The following HMGCLL1 variants were observed in gnomAD, a reference collection of about 807,000 sequenced individuals.
HMGCLL1 encodes 3-hydroxy-3-methylglutaryl-CoA lyase like 1, also known as 3-hydroxymethyl-3-methylglutaryl-CoA lyase, cytoplasmic.
In HMGCLL1, 36 loss-of-function variants were observed where a neutral mutation model predicts 39.1. That is an observed-to-expected ratio of 0.92 (90% CI 0.71 to 1.22). The LOEUF is 1.22. HMGCLL1 is among the 50% of genes most tolerant of loss of function. The pLI is 0.00. For missense variants in HMGCLL1, 451 were observed against 416.5 expected (o/e 1.08, Z -0.72); for synonymous variants, 149 against 144.0 (o/e 1.03, Z -0.25).
intron 7 of HMGCLL1, among the ~76,000 whole-genome samples, chr6:55,460,612 GA>G (rs1452292037): frequency 1.3e-5 from 2 of 151,668 alleles, no homozygotes; most frequent in African/African-American, 4.8e-5. Flanking sequence ...AGAACATGAA[GA>G]AAACATAATA....
chr6:55,657,083 C>T, the HMGCLL1 span, among the ~76,000 whole-genome samples: 1 of 151,808 alleles, frequency 6.6e-6, no homozygotes, highest in Non-Finnish European at 1.5e-5. Context: ...AAGTTCCTTA[C>T]AGATGCTGGA....
intron 7 of HMGCLL1, among the ~76,000 whole-genome samples, chr6:55,480,312 AG>A (rs1164343090): frequency 6.6e-5 from 10 of 151,648 alleles, no homozygotes; most frequent in Non-Finnish European, 8.8e-5. Context: ...AATGGAAAAA[AG>A]ATCTGAAAAG....
intron 7 of HMGCLL1, among the ~76,000 whole-genome samples, chr6:55,455,601 T>C (rs1764288948): frequency 6.6e-6 from 1 of 152,184 alleles, no homozygotes; most frequent in Non-Finnish European, 1.5e-5. Flanking sequence ...AGAGTTGTAG[T>C]TGCATAGTTC....
At chr6:55,538,687 TA>T (rs1769166343) in intron 3 of HMGCLL1, among the ~76,000 whole-genome samples, 6 of 152,176 alleles carry the variant, frequency 3.9e-5, no homozygotes, top group East Asian at 1.9e-4. Flanking sequence ...CTGATTGATT[TA>T]TTTTTTTTAT....
At chr6:55,454,219 G>A (rs1054400669) in intron 7 of HMGCLL1, among the ~76,000 whole-genome samples, 2 of 152,134 alleles carry the variant, frequency 1.3e-5, no homozygotes, top group Non-Finnish European at 2.9e-5. Context: ...GTGATTCCTA[G>A]GTCTCTAGAA....
At chr6:55,645,881 G>C in the HMGCLL1 span, among the ~76,000 whole-genome samples, 1 of 151,634 alleles carries the variant, frequency 6.6e-6, no homozygotes, top group Non-Finnish European at 1.5e-5. Context: ...GTCTGGTTTT[G>C]GTATCAAGGT....
At chr6:55,678,249 T>G in the HMGCLL1 span, among the ~76,000 whole-genome samples, 1 of 152,218 alleles carries the variant, frequency 6.6e-6, no homozygotes, top group African/African-American at 2.4e-5. Flanking sequence ...CAGGTCTATC[T>G]TTGCCTTTCT....
At chr6:55,653,738 C>A in the HMGCLL1 span, among the ~76,000 whole-genome samples, 14 of 151,916 alleles carry the variant, frequency 9.2e-5, no homozygotes, top group Admixed American at 7.9e-4. Context: ...CAGAGCAGAA[C>A]AACACTTCCC....
the HMGCLL1 span, among the ~76,000 whole-genome samples, chr6:55,639,686 T>C: frequency 6.6e-6 from 1 of 152,134 alleles, no homozygotes; most frequent in Admixed American, 6.6e-5. Context: ...ATAAATGTTC[T>C]CTACTCTCAG....
chr6:55,513,674 T>A (rs1767582428), intron 5 of HMGCLL1: 1 of 204,854 alleles, frequency 4.9e-6, no homozygotes, highest in Non-Finnish European at 9.6e-6. Flanking sequence ...TTAAAAAAAA[T>A]TTGAAAACCA....
At chr6:55,627,703 A>G in the HMGCLL1 span, among the ~76,000 whole-genome samples, 1 of 147,386 alleles carries the variant, frequency 6.8e-6, no homozygotes, top group Non-Finnish European at 1.5e-5. Flanking sequence ...AGAAAAGGAG[A>G]CACAGGTCTA....
At chr6:55,513,384 T>C (rs1480523577) in intron 5 of HMGCLL1, 1 of 152,156 alleles carries the variant, frequency 6.6e-6, no homozygotes, top group African/African-American at 2.4e-5. Flanking sequence ...GGGATTGATA[T>C]CTCTGATACT....
chr6:55,671,782 A>T, the HMGCLL1 span, among the ~76,000 whole-genome samples: 2 of 151,724 alleles, frequency 1.3e-5, no homozygotes, highest in Non-Finnish European at 3.0e-5. Context: ...CAGCAGCCGT[A>T]TCTTCTTCTT....
intron 1 of HMGCLL1, among the ~76,000 whole-genome samples, chr6:55,574,613 T>C (rs1337710222): frequency 1.3e-5 from 2 of 151,664 alleles, no homozygotes; most frequent in African/African-American, 4.8e-5. Flanking sequence ...GAATAAAAAA[T>C]GGTAAGGAGA....
the HMGCLL1 span, among the ~76,000 whole-genome samples, chr6:55,661,572 T>C: frequency 6.6e-6 from 1 of 151,988 alleles, no homozygotes; most frequent in Non-Finnish European, 1.5e-5. Context: ...TTGGTATGTG[T>C]ATCTGTTTTT....
upstream of HMGCLL1, among the ~76,000 whole-genome samples, chr6:55,582,804 A>G (rs1772007095): frequency 6.6e-6 from 1 of 151,994 alleles, no homozygotes; most frequent in Non-Finnish European, 1.5e-5. Context: ...TGTTTTTCCC[A>G]TTTTATTTTA....
intron 1 of HMGCLL1, among the ~76,000 whole-genome samples, chr6:55,572,746 AT>A (rs1362938760): frequency 6.6e-6 from 1 of 152,180 alleles, no homozygotes; most frequent in Non-Finnish European, 1.5e-5. Context: ...TTTAAATTTA[AT>A]TTCCTTATTA....
chr6:55,479,101 G>C (rs542728762), intron 7 of HMGCLL1, among the ~76,000 whole-genome samples: 1 of 151,544 alleles, frequency 6.6e-6, no homozygotes, highest in East Asian at 1.9e-4. Context: ...TCATCACCTA[G>C]TTGACACTTG....
chr6:55,521,471 C>T (rs544253704), intron 3 of HMGCLL1, among the ~76,000 whole-genome samples: 2 of 152,166 alleles, frequency 1.3e-5, no homozygotes, highest in African/African-American at 4.8e-5. Context: ...CTATTGGCAT[C>T]ATTTTTCCAA....
Sources: allele counts gnomAD v4.1 joint callset (sites outside exome capture counted in the v4.1 genomes callset), GRCh38; gene constraint gnomAD v4.1.1; transcripts MANE v1.5; gene names NCBI Gene and HGNC (gene_info 2026-07-23, HGNC 2026-07-21).